The following MTARC2 variants were observed in gnomAD, a reference collection of about 807,000 sequenced individuals.
The protein encoded by MTARC2 is MOCO sulphurase C-terminal domain containing 2.
A neutral mutation model predicts 35.6 loss-of-function variants in MTARC2; 27 were observed. The ratio of observed to expected loss-of-function variants is 0.76; its 90% CI spans 0.56 to 1.04. MTARC2 has a LOEUF of 1.04. Among genes scored for constraint, MTARC2 ranks in the 50% least tolerant of loss-of-function variants. The pLI is 0.00. For synonymous variants in MTARC2, 158 were observed against 167.1 expected (o/e 0.95, Z 0.42); for missense variants, 412 against 432.5 (o/e 0.95, Z 0.42).
rs1182982386 is a variant in MTARC2, at chr1:220,748,440, C to T, written c.-92C>T. 4 of 1,266,668 alleles carry T rather than the reference C, an allele frequency of 3.2e-6. No homozygotes were observed. Among genetic ancestry groups the T allele is most frequent in the Non-Finnish European group, 3.0e-6 (3 of 996,938 alleles). 78.5% of individuals were successfully genotyped at this position (1,266,668 alleles called of 1,614,324 possible). A position where few individuals can be genotyped will look rare whatever the true frequency, so the allele number is the denominator to read the frequency against. ...TAGTTGGGTCAACTTTGACTCCTCT[C>T]GCCTGCCCGGATCCTTAAGGGCCTC... On this transcript the variant is annotated 5_prime_UTR_variant, in exon 1 of 8. Transcript: ENST00000366913.
chr1:220,764,475 G>A (rs544170840), intron 4 of MTARC2, among the ~76,000 whole-genome samples: 1 of 152,188 alleles, frequency 6.6e-6, no homozygotes, highest in South Asian at 2.1e-4. Context: ...TAGGCACTCC[G>A]TATTATCTGA....
chr1:220,773,758 A>G (rs1671810380), intron 4 of MTARC2, among the ~76,000 whole-genome samples: 1 of 152,314 alleles, frequency 6.6e-6, no homozygotes, highest in Middle Eastern at 3.4e-3. Context: ...CTAGACAAAA[A>G]TTATTTTTAA....
At chr1:220,781,411 C>T (rs1231198763) in intron 6 of MTARC2, among the ~76,000 whole-genome samples, 1 of 152,166 alleles carries the variant, frequency 6.6e-6, no homozygotes, top group Non-Finnish European at 1.5e-5. Context: ...CTTAAATGCA[C>T]TAAACAGAAG....
At chr1:220,759,307 TGAACCCAGAGTGA>T (rs1558066135) in intron 2 of MTARC2, among the ~76,000 whole-genome samples, 1 of 152,236 alleles carries the variant, frequency 6.6e-6, no homozygotes, top group Non-Finnish European at 1.5e-5. Flanking sequence ...GAAGTTTTAT[TGAACCCAGAGTGA>T]GGGTCAGTTT....
rs1300930150 is a variant in MTARC2 at position 220,748,744 on chromosome 1, G to A, written c.213G>A (p.Val71=). The change falls in exon 1 of 8, where the codon GTG becomes GTA. Residue 71 remains valine, a synonymous_variant. Transcript: ENST00000366913. ...WIYPVKSCKG[V]PVSEAECTAM... ...ACCCGGTGAAATCCTGCAAAGGGGT[G>A]CCGGTGAGCGAGGCTGAGTGCACGG... 3.1e-6 allele frequency: 5 copies of A among 1,600,308 alleles called. No homozygotes were observed. The African/African-American group carries it at 5.4e-5, about 17-fold the overall frequency.
chr1:220,777,915 A>G (rs1268564191), intron 4 of MTARC2, among the ~76,000 whole-genome samples: 1 of 152,200 alleles, frequency 6.6e-6, no homozygotes, highest in Non-Finnish European at 1.5e-5. Context: ...ACATTGCAAT[A>G]AAGAAATACC....
chr1:220,779,738 T>G (rs1672014021), intron 4 of MTARC2, among the ~76,000 whole-genome samples: 1 of 152,180 alleles, frequency 6.6e-6, no homozygotes, highest in Admixed American at 6.5e-5. Context: ...CACATTGACT[T>G]TCCTGTTAAT....
At chr1:220,769,402 C>A (rs549649485) in intron 4 of MTARC2, among the ~76,000 whole-genome samples, 1 of 152,166 alleles carries the variant, frequency 6.6e-6, no homozygotes, top group Admixed American at 6.5e-5. Context: ...CCGGTGGGTC[C>A]CCCTCTGGCT....
intron 1 of MTARC2, among the ~76,000 whole-genome samples, chr1:220,751,910 AT>A (rs1457568043): frequency 6.6e-6 from 1 of 152,222 alleles, no homozygotes; most frequent in African/African-American, 2.4e-5. Context: ...ACTGGGCATC[AT>A]TTTGTGCACA....
At chr1:220,782,214 T>A (rs1672092903) in intron 7 of MTARC2, among the ~76,000 whole-genome samples, 1 of 152,188 alleles carries the variant, frequency 6.6e-6, no homozygotes, top group African/African-American at 2.4e-5. Flanking sequence ...TTACAGAATA[T>A]CATTAAGGAA....
Position 220,772,636 on chromosome 1 carries a change from G to T in MTARC2, c.751-7382G>T, listed in dbSNP as rs116091964. ...GGTAGAGGGCTGCAGCTGAAGTCAGGACATCAGACTTGAAGGATCCCAGTG... is the reference window on the plus strand; with the variant it reads ...GGTAGAGGGCTGCAGCTGAAGTCAGTACATCAGACTTGAAGGATCCCAGTG... On this transcript the variant is annotated intron_variant, in intron 4 of 7. Transcript: ENST00000366913. Among the ~76,000 whole-genome samples, 1,370 of 152,158 alleles carry T rather than the reference G, an allele frequency of 9.0e-3. 19 individuals carry two copies. The highest frequency in any genetic ancestry group is 0.029 in the African/African-American group (1,223 of 41,500).
At chr1:220,757,885 C>A (rs6659246) in intron 2 of MTARC2, among the ~76,000 whole-genome samples, 37,256 of 152,046 alleles carry the variant, frequency 0.25, 5,349 homozygotes, top group East Asian at 0.49. Flanking sequence ...ATAACATAAA[C>A]CAACAACCTC....
intron 2 of MTARC2, among the ~76,000 whole-genome samples, chr1:220,760,526 C>A (rs1056728665): frequency 1.3e-5 from 2 of 152,098 alleles, no homozygotes; most frequent in Non-Finnish European, 2.9e-5. Flanking sequence ...CTTATTCTAG[C>A]AATATGTGAG....
chr1:220,776,070 G>C (rs1671903275), intron 4 of MTARC2, among the ~76,000 whole-genome samples: 1 of 152,166 alleles, frequency 6.6e-6, no homozygotes, highest in South Asian at 2.1e-4. Flanking sequence ...GTTGAATGAT[G>C]GTTCTATTTT....
intron 4 of MTARC2, among the ~76,000 whole-genome samples, chr1:220,769,552 A>G (rs950166055): frequency 1.3e-5 from 2 of 152,148 alleles, no homozygotes; most frequent in African/African-American, 4.8e-5. Context: ...AGGGTTTTCC[A>G]GGGGAGCAAA....
chr1:220,766,631 A>T (rs977940510), intron 4 of MTARC2, among the ~76,000 whole-genome samples: 1 of 152,128 alleles, frequency 6.6e-6, no homozygotes, highest in Non-Finnish European at 1.5e-5. Flanking sequence ...TATTAATTTT[A>T]GTTTAAAATC....
chr1:220,782,429 C>T (rs1258654504), intron 7 of MTARC2, among the ~76,000 whole-genome samples: 1 of 152,060 alleles, frequency 6.6e-6, no homozygotes, highest in Non-Finnish European at 1.5e-5. Context: ...GTGACTGGGT[C>T]CTGAATCATG....
intron 1 of MTARC2, among the ~76,000 whole-genome samples, chr1:220,753,303 G>A (rs2102542563): frequency 6.6e-6 from 1 of 152,270 alleles, no homozygotes; most frequent in Middle Eastern, 3.4e-3. Context: ...GCTACCCAGT[G>A]TCACCAGCTT....
chr1:220,748,857 G>T (rs72472372), intron 1 of MTARC2, 54 bp downstream of exon 1: 8 of 1,430,312 alleles, frequency 5.6e-6, no homozygotes, highest in East Asian at 3.3e-5. Flanking sequence ...GATGAGGAGC[G>T]GGGGGGCAGG....
Sources: allele counts gnomAD v4.1 joint callset (sites outside exome capture counted in the v4.1 genomes callset), GRCh38; gene constraint gnomAD v4.1.1; transcripts MANE v1.5; gene names NCBI Gene and HGNC (gene_info 2026-07-23, HGNC 2026-07-21).